SEC24D: variants seen among roughly 807,000 people sequenced by gnomAD.
The protein encoded by SEC24D is protein transport protein Sec24D.
SEC24D carries 69 observed loss-of-function variants against 116.9 expected under a neutral mutation model. The observed-to-expected ratio is 0.59, with a 90% CI of 0.49 to 0.72. The LOEUF is 0.72. Ranked by LOEUF, SEC24D falls within the 30% of genes least tolerant of loss-of-function variation. The probability of loss-of-function intolerance (pLI) is 0.00; values close to 1 mark genes in which losing one functional copy is unlikely to be tolerated. For synonymous variants in SEC24D, 405 were observed against 442.8 expected (o/e 0.91, Z 1.07); for missense variants, 1,131 against 1,264.1 (o/e 0.89, Z 1.60).
chr4:118,758,689 A>G (rs537144900), intron 10 of SEC24D: 48 of 152,242 alleles, frequency 3.2e-4, no homozygotes, highest in African/African-American at 1.1e-3. Flanking sequence ...AATCACAAAA[A>G]TTTTCTAAAA....
chr4:118,771,816 C>G (rs2110476916), intron 8 of SEC24D, among the ~76,000 whole-genome samples: 1 of 152,228 alleles, frequency 6.6e-6, no homozygotes, highest in East Asian at 1.9e-4. Context: ...CTGCCATTCT[C>G]TTGGGTAACT....
intron 5 of SEC24D, 36 bp from the exon 6 acceptor site, chr4:118,815,191 TC>T (rs1222247397): frequency 1.2e-6 from 2 of 1,611,960 alleles, no homozygotes; most frequent in African/African-American, 2.7e-5. Flanking sequence ...ATGACTATCA[TC>T]CCAAATCCAG....
intron 4 of SEC24D, chr4:118,816,678 A>G: frequency 3.1e-6 from 1 of 318,848 alleles, no homozygotes; most frequent in South Asian, 2.5e-5. Context: ...AGTAACATGG[A>G]AACATTCTTC....
At chr4:118,759,468 C>T (rs1373647871) in intron 10 of SEC24D, among the ~76,000 whole-genome samples, 1 of 152,204 alleles carries the variant, frequency 6.6e-6, no homozygotes, top group East Asian at 1.9e-4. Flanking sequence ...CTGGCTTTGT[C>T]CAGCCAAGCT....
At chr4:118,757,085 G>A (rs553555971) in intron 11 of SEC24D, among the ~76,000 whole-genome samples, 5 of 152,262 alleles carry the variant, frequency 3.3e-5, no homozygotes, top group South Asian at 4.1e-4. Context: ...ATTAAAGCAG[G>A]TAATATGCCC....
chr4:118,806,158 T>C (rs781734537), intron 6 of SEC24D, among the ~76,000 whole-genome samples: 19 of 152,144 alleles, frequency 1.2e-4, no homozygotes, highest in Non-Finnish European at 2.5e-4. Context: ...CAAATTGTCA[T>C]GGAAAAACCT....
intron 8 of SEC24D, among the ~76,000 whole-genome samples, chr4:118,787,639 C>T (rs2110493683): frequency 6.6e-6 from 1 of 152,210 alleles, no homozygotes; most frequent in South Asian, 2.1e-4. Context: ...TAGTGAGACC[C>T]TGTCTTTACA....
chr4:118,814,954 A>T (rs1366389632), intron 6 of SEC24D, 74 bp downstream of exon 6: 8 of 1,512,168 alleles, frequency 5.3e-6, no homozygotes, highest in Non-Finnish European at 7.3e-6. Flanking sequence ...ATAAATGCTA[A>T]CAAACTGATG....
rs768129318 is a variant in SEC24D, at chr4:118,732,685, A to AT, written c.2676+47dup. On this transcript the variant is annotated intron_variant, in intron 20 of 22. Coordinates refer to ENST00000280551, the MANE Select transcript of SEC24D (RefSeq NM_014822.4). ...AACATACGGGAAAGCACAAAATATG[A>AT]TTCCCTTCCAGCCTCCTCTGGGAAA... 9 of 1,552,580 alleles carry AT rather than the reference A, an allele frequency of 5.8e-6. No individual in the cohort carries two copies. The South Asian group carries it at 1.0e-4, about 18-fold the overall frequency.
rs764326492 is a variant in SEC24D at position 118,752,738 on chromosome 4, A to G, written c.1572T>C (p.Gly524=). The G allele has an allele frequency of 1.2e-6, 2 of 1,609,762 alleles. No homozygotes were observed. The highest frequency in any genetic ancestry group is 2.2e-5 in the South Asian group (2 of 89,752). ...GGGATTCTTGATAGTTGACAAGGAA[A>G]CCATCCAACAAAGGAACAAAGACTT... ...VGEVFVPLLD[G]FLVNYQESQS... Residue 524 remains glycine (G), a synonymous_variant, in exon 12 of 23, where the codon GGT becomes GGC. Transcript: ENST00000280551.
intron 13 of SEC24D, among the ~76,000 whole-genome samples, chr4:118,749,381 A>G (rs1578396974): frequency 6.6e-6 from 1 of 152,324 alleles, no homozygotes; most frequent in African/African-American, 2.4e-5. Context: ...GTTTGCTTCA[A>G]GAAGTTTACT....
intron 10 of SEC24D, 116 bp from the exon 11 acceptor site, chr4:118,757,961 A>G: frequency 1.3e-6 from 1 of 782,336 alleles, no homozygotes; most frequent in East Asian, 2.8e-5. Flanking sequence ...TTTAGGATAT[A>G]CCATCTGTGG....
At chr4:118,828,651 T>A (rs1730694791) in intron 2 of SEC24D, among the ~76,000 whole-genome samples, 1 of 152,042 alleles carries the variant, frequency 6.6e-6, no homozygotes, top group Non-Finnish European at 1.5e-5. Flanking sequence ...TGGCCCCAAA[T>A]GTCAATAGTG....
chr4:118,798,134 G>GAA (rs1729262258), intron 7 of SEC24D, among the ~76,000 whole-genome samples: 2 of 152,002 alleles, frequency 1.3e-5, no homozygotes, highest in South Asian at 4.1e-4. Context: ...AGATGCAATG[G>GAA]AAAAAATAAA....
chr4:118,747,074 A>C (rs58068017), intron 13 of SEC24D, among the ~76,000 whole-genome samples: 1 of 152,164 alleles, frequency 6.6e-6, no homozygotes, highest in Non-Finnish European at 1.5e-5. Context: ...TAAATGAAGA[A>C]GCACATGTAC....
At chr4:118,752,942 A>C in intron 11 of SEC24D, 54 bp from the exon 12 acceptor site, 1 of 1,334,536 alleles carries the variant, frequency 7.5e-7, no homozygotes, top group Non-Finnish European at 1.0e-6. Context: ...GATGAAAAGG[A>C]GGTTTCTATC....
chr4:118,792,182 C>T (rs1487082293), intron 8 of SEC24D, among the ~76,000 whole-genome samples: 53 of 151,914 alleles, frequency 3.5e-4, no homozygotes, highest in African/African-American at 1.2e-3. Flanking sequence ...GCCGCCACCC[C>T]GTCTGGGAGG....
chr4:118,820,177 A>AT (rs748302677), intron 3 of SEC24D, among the ~76,000 whole-genome samples: 2,691 of 127,440 alleles, frequency 0.021, 51 homozygotes, highest in Middle Eastern at 0.06. Context: ...AATTAGTTTA[A>AT]TTTTTTTTTT....
At position 118,723,087 on chromosome 4, in the gene SEC24D, G is replaced by A. The variant is rs1372825156; in HGVS notation, c.*428C>T. On this transcript the variant is annotated 3_prime_UTR_variant, in exon 23 of 23. Transcript: ENST00000280551. Reference sequence around the variant, plus strand: ...AAAATGTGTTCAATGGAGTTACATGGTTTTAGAAAATTAAGTATAATGTAA... The same window carrying A: ...AAAATGTGTTCAATGGAGTTACATGATTTTAGAAAATTAAGTATAATGTAA... The A allele has an allele frequency of 6.5e-6, 1 of 153,020 alleles. No individual in the cohort carries two copies. Among genetic ancestry groups the A allele is most frequent in the African/African-American group, 2.4e-5 (1 of 41,440 alleles). 9.5% of individuals were successfully genotyped at this position (153,020 alleles called of 1,614,324 possible).
Sources: gnomAD v4.1 joint callset for allele counts (sites outside exome capture counted in the v4.1 genomes callset) on GRCh38, gnomAD v4.1.1 for gene constraint, MANE v1.5 for transcripts, NCBI Gene and HGNC (gene_info 2026-07-23, HGNC 2026-07-21) for gene names.